Variants in DISC1 observed in about 807,000 individuals in gnomAD.
The protein encoded by DISC1 is disrupted in schizophrenia 1 protein.
Under a neutral mutation model 84.5 loss-of-function variants are expected in DISC1, and 57 were observed. The observed-to-expected ratio is 0.67, with a 90% CI of 0.55 to 0.84. DISC1 has a LOEUF of 0.84. Ranked by LOEUF, DISC1 falls within the 40% of genes least tolerant of loss-of-function variation. The pLI is 0.00. For synonymous variants in DISC1, 411 were observed against 415.2 expected (o/e 0.99, Z 0.12); for missense variants, 1,000 against 1,057.8 (o/e 0.95, Z 0.76).
chr1:231,714,750 CAGAA>C (rs1012873663), intron 3 of DISC1, among the ~76,000 whole-genome samples: 3 of 149,780 alleles, frequency 2.0e-5, no homozygotes, highest in Admixed American at 6.6e-5. Context: ...GAGAGAGAGA[CAGAA>C]GGAGATGGAG....
intron 11 of DISC1, among the ~76,000 whole-genome samples, chr1:232,017,978 G>T (rs1668632782): frequency 6.6e-6 from 1 of 152,102 alleles, no homozygotes; most frequent in Non-Finnish European, 1.5e-5. Context: ...TCAACCCAAG[G>T]TGTAACCCGT....
chr1:231,882,539 G>C (rs1170287223), intron 9 of DISC1, among the ~76,000 whole-genome samples: 1 of 152,142 alleles, frequency 6.6e-6, no homozygotes, highest in Non-Finnish European at 1.5e-5. Flanking sequence ...AATCCTCTGG[G>C]TGTCGTTTGA....
At chr1:231,758,862 A>G (rs2793091) in intron 4 of DISC1, among the ~76,000 whole-genome samples, 91,623 of 152,066 alleles carry the variant, frequency 0.6, 29,268 homozygotes, top group Non-Finnish European at 0.72. Flanking sequence ...ATCTTCACCA[A>G]TATGTACGTG....
intron 10 of DISC1, among the ~76,000 whole-genome samples, chr1:231,962,234 T>A (rs1005841961): frequency 6.6e-6 from 1 of 152,252 alleles, no homozygotes. Flanking sequence ...TTATTTGTTT[T>A]TTCTTTGTCA....
At chr1:231,919,078 AC>A (rs1301355750) in intron 9 of DISC1, among the ~76,000 whole-genome samples, 1 of 152,066 alleles carries the variant, frequency 6.6e-6, no homozygotes, top group Non-Finnish European at 1.5e-5. Flanking sequence ...CTCATATTTT[AC>A]CTGTTTGGTT....
chr1:231,937,915 C>T (rs971674585), intron 9 of DISC1, among the ~76,000 whole-genome samples: 1 of 151,994 alleles, frequency 6.6e-6, no homozygotes, highest in African/African-American at 2.4e-5. Context: ...AGCATCTGAT[C>T]CAGTTGATGG....
Position 231,959,018 on chromosome 1 carries a change from A to G in DISC1, c.2042+130A>G, listed in dbSNP as rs1027060050. The stretch of plus-strand genomic sequence containing the variant: ...TAAATTAACAAAGAAAGACACAAAA[A>G]AGCCTTTTGAACCCCATCAGTGAAA... On this transcript the variant is annotated intron_variant, in intron 10 of 12. Coordinates refer to ENST00000439617, the MANE Select transcript of DISC1 (RefSeq NM_018662.3). The G allele has an allele frequency of 1.2e-5, 17 of 1,445,302 alleles. No individual in the cohort carries two copies. In the African/African-American group the frequency reaches 2.5e-4, roughly 21 times the overall value. The allele number at this position is 1,445,302 out of a possible 1,614,324, so 89.5% of individuals were successfully genotyped here. A position where few individuals can be genotyped will look rare whatever the true frequency, so the allele number is the denominator to read the frequency against.
intron 8 of DISC1, among the ~76,000 whole-genome samples, chr1:231,805,803 G>A (rs2079661559): frequency 1.3e-5 from 2 of 152,170 alleles, no homozygotes; most frequent in Admixed American, 6.5e-5. Context: ...CATATCACTA[G>A]TGAAGGAAAG....
At chr1:231,912,809 T>C (rs533800098) in intron 9 of DISC1, among the ~76,000 whole-genome samples, 8 of 149,330 alleles carry the variant, frequency 5.4e-5, no homozygotes, top group East Asian at 3.9e-4. Flanking sequence ...TTCTTTCTTT[T>C]TCTTTCCTTG....
intron 1 of DISC1, among the ~76,000 whole-genome samples, chr1:231,680,081 A>T (rs2125541771): frequency 6.6e-6 from 1 of 152,224 alleles, no homozygotes; most frequent in East Asian, 1.9e-4. Flanking sequence ...TACAGAAGTT[A>T]GCCGGGCATG....
intron 1 of DISC1, among the ~76,000 whole-genome samples, chr1:231,650,522 A>T (rs1424534778): frequency 6.6e-6 from 1 of 152,180 alleles, no homozygotes; most frequent in African/African-American, 2.4e-5. Context: ...ACCTTGGTGA[A>T]TCTGACAATT....
chr1:231,636,636 A>G (rs1355688570), intron 1 of DISC1, among the ~76,000 whole-genome samples: 1 of 152,184 alleles, frequency 6.6e-6, no homozygotes, highest in African/African-American at 2.4e-5. Context: ...AAGGTAATAC[A>G]TGATAAAAGA....
intron 9 of DISC1, among the ~76,000 whole-genome samples, chr1:231,894,422 T>A (rs979420143): frequency 1.6e-4 from 24 of 152,328 alleles, no homozygotes; most frequent in Admixed American, 3.9e-4. Context: ...ACTATTCTAC[T>A]CTGGATTGTC....
At chr1:231,872,243 C>T (rs2085515969) in intron 9 of DISC1, among the ~76,000 whole-genome samples, 3 of 152,140 alleles carry the variant, frequency 2.0e-5, no homozygotes, top group Admixed American at 2.0e-4. Context: ...TCAACATTGG[C>T]TTTCTTTCAT....
chr1:231,920,452 C>T (rs529664686), intron 9 of DISC1, among the ~76,000 whole-genome samples: 18 of 152,314 alleles, frequency 1.2e-4, no homozygotes, highest in East Asian at 7.7e-4. Flanking sequence ...TGGCAACCTC[C>T]GTTCTCCTTT....
At chr1:231,825,799 T>C (rs2081822497) in intron 9 of DISC1, among the ~76,000 whole-genome samples, 1 of 152,216 alleles carries the variant, frequency 6.6e-6, no homozygotes, top group African/African-American at 2.4e-5. Context: ...TCATTAGAAC[T>C]TGCCTGGAAT....
chr1:231,965,775 C>T (rs975517395), intron 10 of DISC1, among the ~76,000 whole-genome samples: 17 of 152,346 alleles, frequency 1.1e-4, no homozygotes, highest in Middle Eastern at 3.4e-3. Context: ...CAGAGCCCTC[C>T]CCGACCTAGC....
chr1:231,959,419 G>C (rs746440470), intron 10 of DISC1: 40 of 985,780 alleles, frequency 4.1e-5, no homozygotes, highest in Non-Finnish European at 4.7e-5. Context: ...TCTGGCTTTT[G>C]TGGATGTGTG....
intron 9 of DISC1, among the ~76,000 whole-genome samples, chr1:231,891,326 G>A (rs1030503399): frequency 3.3e-5 from 5 of 152,212 alleles, no homozygotes; most frequent in Non-Finnish European, 7.3e-5. Flanking sequence ...GGTTGGACAA[G>A]CTTGGTCTAA....
Sources: allele counts gnomAD v4.1 joint callset (sites outside exome capture counted in the v4.1 genomes callset), GRCh38; gene constraint gnomAD v4.1.1; transcripts MANE v1.5; gene names NCBI Gene and HGNC (gene_info 2026-07-23, HGNC 2026-07-21).